The following ITSN1 variants were observed in gnomAD, a reference collection of about 807,000 sequenced individuals.
The protein encoded by ITSN1 is intersectin-1.
Under a neutral mutation model 239.8 loss-of-function variants are expected in ITSN1, and 58 were observed. The ratio of observed to expected loss-of-function variants is 0.24; its 90% CI spans 0.20 to 0.30. The LOEUF is 0.30. ITSN1 is among the 10% of genes least tolerant of loss of function. ITSN1 has a pLI of 1.00. For missense variants in ITSN1, 1,558 were observed against 2,103.3 expected (o/e 0.74, Z 5.07); for synonymous variants, 780 against 770.8 (o/e 1.01, Z -0.20).
intron 29 of ITSN1, among the ~76,000 whole-genome samples, chr21:33,846,951 T>C (rs2075007109): frequency 2.0e-5 from 3 of 152,178 alleles, no homozygotes; most frequent in African/African-American, 7.2e-5. Context: ...TGTCTATTTA[T>C]GTATGTATTT....
chr21:33,643,340 G>A (rs1208148575), intron 1 of ITSN1: 1 of 152,252 alleles, frequency 6.6e-6, no homozygotes, highest in African/African-American at 2.4e-5. Context: ...GCGCGTCCCC[G>A]GGTCCGCCGC....
chr21:33,821,142 T>C (rs950591655), intron 24 of ITSN1, among the ~76,000 whole-genome samples: 1 of 152,246 alleles, frequency 6.6e-6, no homozygotes, highest in African/African-American at 2.4e-5. Flanking sequence ...AGTATGAGCA[T>C]CCTCATCCAA....
chr21:33,823,203 T>C (rs539232847), intron 24 of ITSN1, among the ~76,000 whole-genome samples: 1 of 152,314 alleles, frequency 6.6e-6, no homozygotes, highest in Non-Finnish European at 1.5e-5. Context: ...GGTAGATCAC[T>C]CTTAAATACT....
chr21:33,791,749 A>G (rs777390209), intron 16 of ITSN1, among the ~76,000 whole-genome samples: 39 of 152,174 alleles, frequency 2.6e-4, no homozygotes, highest in Non-Finnish European at 4.9e-4. Context: ...TATCTATTAT[A>G]GTATGTTGAT....
chr21:33,760,501 G>A (rs1170240981), intron 8 of ITSN1, among the ~76,000 whole-genome samples: 4 of 152,128 alleles, frequency 2.6e-5, no homozygotes, highest in African/African-American at 9.7e-5. Context: ...TGTCAGTAAT[G>A]TTACCTGCCA....
intron 1 of ITSN1, among the ~76,000 whole-genome samples, chr21:33,651,724 G>A (rs776375130): frequency 2.0e-5 from 3 of 152,158 alleles, no homozygotes; most frequent in African/African-American, 7.2e-5. Flanking sequence ...GCAGGCTTTT[G>A]CATTGTCTAT....
intron 1 of ITSN1, among the ~76,000 whole-genome samples, chr21:33,680,264 C>T (rs2090862481): frequency 6.6e-6 from 1 of 151,148 alleles, no homozygotes; most frequent in Non-Finnish European, 1.5e-5. Flanking sequence ...TCTTTTCTTT[C>T]TCTAACTCAG....
At chr21:33,765,497 G>T (rs1435037110) in intron 9 of ITSN1, among the ~76,000 whole-genome samples, 2 of 152,150 alleles carry the variant, frequency 1.3e-5, no homozygotes, top group Non-Finnish European at 2.9e-5. Context: ...CAGTGAGTCT[G>T]CAGTGAGCTG....
intron 1 of ITSN1, among the ~76,000 whole-genome samples, chr21:33,675,637 G>A (rs918645217): frequency 2.0e-5 from 3 of 152,176 alleles, no homozygotes; most frequent in African/African-American, 7.2e-5. Context: ...AGAAGTTTCT[G>A]TTCTCACTAG....
At chr21:33,784,045 C>T (rs2070420675) in intron 16 of ITSN1, among the ~76,000 whole-genome samples, 1 of 152,114 alleles carries the variant, frequency 6.6e-6, no homozygotes, top group African/African-American at 2.4e-5. Flanking sequence ...TACATAAAGG[C>T]CAATTTTAGC....
At chr21:33,822,207 C>T (rs1473225235) in intron 24 of ITSN1, among the ~76,000 whole-genome samples, 1 of 152,210 alleles carries the variant, frequency 6.6e-6, no homozygotes, top group African/African-American at 2.4e-5. Context: ...CCCACGTGAG[C>T]ACAAGAGTTA....
At chr21:33,885,264 G>A (rs1985596078) in intron 37 of ITSN1, 141 bp downstream of exon 37, 2 of 935,390 alleles carry the variant, frequency 2.1e-6, no homozygotes, top group East Asian at 5.1e-5. Context: ...GCTTGGGGTG[G>A]GATGCAGATG....
chr21:33,695,135 T>C (rs952842999), intron 1 of ITSN1, among the ~76,000 whole-genome samples: 36 of 152,216 alleles, frequency 2.4e-4, no homozygotes, highest in Non-Finnish European at 4.9e-4. Flanking sequence ...ACTCTTGATA[T>C]ACTTACCTAT....
chr21:33,723,931 A>G (rs1017761459), intron 4 of ITSN1, among the ~76,000 whole-genome samples: 1 of 152,236 alleles, frequency 6.6e-6, no homozygotes, highest in Non-Finnish European at 1.5e-5. Flanking sequence ...AAACTTTTAA[A>G]TTTATAATCT....
rs1224877659 is a variant in ITSN1 at position 33,761,879 on chromosome 21, A to G, written c.725-44A>G. 5.0e-6 allele frequency: 7 copies of G among 1,397,738 alleles called. No individual in the cohort carries two copies. The Admixed American group carries it at 1.2e-4, about 23-fold the overall frequency. The allele number at this position is 1,397,738 out of a possible 1,614,324, so 86.6% of individuals were successfully genotyped here. A position where few individuals can be genotyped will look rare whatever the true frequency, so the allele number is the denominator to read the frequency against. On this transcript the variant is annotated intron_variant, in intron 8 of 39. Transcript: ENST00000381318. ...ACCCTGGTCCTCCTGTACAGTGAGT[A>G]TTTGCTGACTCATCTGTATGTCCTT...
In ITSN1 at chr21:33,797,651, TCTCCCAGAGC is replaced by T. The variant is rs1569200744; in HGVS notation, c.2182+48_2182+57del. On this transcript the variant is annotated intron_variant, in intron 18 of 39. Coordinates refer to ENST00000381318, the MANE Select transcript of ITSN1 (RefSeq NM_003024.3). The surrounding 1 kb of genome is among the most constrained non-coding windows in gnomAD (Gnocchi z 4.9). ...TAATTATAGAAAATAAGTCATCTTCTCTCCCAGAGCCTCCTGAAAAATGCCCCTATCTCAT... is the reference window on the plus strand; with the variant it reads ...TAATTATAGAAAATAAGTCATCTTCTCTCCTGAAAAATGCCCCTATCTCAT... 1 of 1,534,352 alleles carries T rather than the reference TCTCCCAGAGC, an allele frequency of 6.5e-7. No individual in the cohort carries two copies. Among genetic ancestry groups the T allele is most frequent in the Admixed American group, 1.7e-5 (1 of 57,770 alleles).
At chr21:33,814,326 G>T in intron 22 of ITSN1, 1 of 468,558 alleles carries the variant, frequency 2.1e-6, no homozygotes, top group South Asian at 3.1e-5. Context: ...TGGCACTTGA[G>T]CTGCATCTTG....
chr21:33,783,750 G>A (rs1401225178), intron 16 of ITSN1, among the ~76,000 whole-genome samples: 1 of 149,746 alleles, frequency 6.7e-6, no homozygotes, highest in Non-Finnish European at 1.5e-5. Context: ...ATAGTCTCTT[G>A]GGATATAAAC....
chr21:33,643,803 CA>C (rs1197934466), intron 1 of ITSN1: 2 of 152,166 alleles, frequency 1.3e-5, no homozygotes, highest in Non-Finnish European at 2.9e-5. Context: ...TCAAAACGTA[CA>C]GATAATAAAG....
Sources: allele counts gnomAD v4.1 joint callset (sites outside exome capture counted in the v4.1 genomes callset), GRCh38; gene constraint gnomAD v4.1.1; non-coding constraint Gnocchi (gnomAD v3.1); transcripts MANE v1.5; gene names NCBI Gene and HGNC (gene_info 2026-07-23, HGNC 2026-07-21).